The following CX3CL1 variants were observed in gnomAD, a reference collection of about 807,000 sequenced individuals.
CX3CL1 encodes fractalkine.
Under a neutral mutation model 14.1 loss-of-function variants are expected in CX3CL1, and 1 was observed. The ratio of observed to expected loss-of-function variants is 0.07; its 90% CI spans 0.03 to 0.34. The LOEUF (loss-of-function observed/expected upper bound fraction) is 0.34, where lower values mean the gene tolerates loss of function less well. Ranked by LOEUF, CX3CL1 falls within the 10% of genes least tolerant of loss-of-function variation. CX3CL1 has a pLI of 0.99. For missense variants in CX3CL1, 505 were observed against 536.4 expected (o/e 0.94, Z 0.58); for synonymous variants, 255 against 229.6 (o/e 1.11, Z -1.00).
rs1902361328 is a variant in CX3CL1, at chr16:57,383,234, G to A, written c.*202G>A. The A allele has an allele frequency of 2.3e-6, 1 of 433,544 alleles. No individual in the cohort carries two copies. The highest frequency in any genetic ancestry group is 3.9e-6 in the Non-Finnish European group (1 of 258,376). The allele number at this position is 433,544 out of a possible 1,614,324, so 26.9% of individuals were successfully genotyped here. On this transcript the variant is annotated 3_prime_UTR_variant, in exon 3 of 3. Transcript: ENST00000006053. ...CCATTCTCCACCTGCCAGGGACAGA[G>A]GGGGTGGCCTCCCAACTCACCCCAG... is the stretch of plus-strand genomic sequence containing the variant.
At chr16:57,375,357 A>G (rs891351978) in intron 1 of CX3CL1, among the ~76,000 whole-genome samples, 7 of 152,002 alleles carry the variant, frequency 4.6e-5, no homozygotes, top group Admixed American at 2.0e-4. Flanking sequence ...ATTTCTAGAG[A>G]AATTTTTTAC....
In CX3CL1 at chr16:57,383,101, C is replaced by A; in HGVS notation, c.*69C>A. 7.6e-7 allele frequency: 1 copy of A among 1,316,906 alleles called. No individual in the cohort carries two copies. Among genetic ancestry groups the A allele is most frequent in the Non-Finnish European group, 9.8e-7 (1 of 1,016,138 alleles). 81.6% of individuals were successfully genotyped at this position (1,316,906 alleles called of 1,614,324 possible). ...TGGGATCCCTCATCCTCATACCCAC[C>A]CCCACCCAAGGGCCTGGCCTGAGCT... On this transcript the variant is annotated 3_prime_UTR_variant, in exon 3 of 3. Transcript: ENST00000006053.
intron 2 of CX3CL1, 59 bp from the exon 3 acceptor site, chr16:57,381,971 C>T (rs769339501): frequency 2.0e-5 from 30 of 1,514,182 alleles, no homozygotes; most frequent in African/African-American, 6.9e-5. Context: ...CCCCACACCA[C>T]GCTGGCCCGG....
intron 1 of CX3CL1, chr16:57,379,117 G>C (rs750921221): frequency 1.3e-5 from 2 of 153,008 alleles, no homozygotes; most frequent in African/African-American, 2.4e-5. Flanking sequence ...ACCTGAGGTC[G>C]GGAGTCTGAG....
intron 2 of CX3CL1, among the ~76,000 whole-genome samples, chr16:57,381,263 GGA>G (rs566768521): frequency 2.1e-4 from 32 of 152,296 alleles, no homozygotes; most frequent in African/African-American, 6.7e-4. Context: ...GCCGTGGCAT[GGA>G]GCCAGGGCCT....
intron 1 of CX3CL1, among the ~76,000 whole-genome samples, chr16:57,373,807 G>T (rs1261954357): frequency 6.6e-6 from 1 of 152,160 alleles, no homozygotes; most frequent in East Asian, 1.9e-4. Flanking sequence ...CGTGAGCAGG[G>T]TCTTGCCTCC....
chr16:57,374,769 C>T (rs2146508610), intron 1 of CX3CL1, among the ~76,000 whole-genome samples: 1 of 152,236 alleles, frequency 6.6e-6, no homozygotes, highest in African/African-American at 2.4e-5. Context: ...AATTCAACTG[C>T]AGAGGACACA....
chr16:57,374,806 A>G (rs1180630687), intron 1 of CX3CL1, among the ~76,000 whole-genome samples: 2 of 152,140 alleles, frequency 1.3e-5, no homozygotes, highest in African/African-American at 2.4e-5. Flanking sequence ...TCAGTAAACA[A>G]TGTGGTCTGT....
Position 57,383,090 on chromosome 16 carries a change from C to T in CX3CL1, c.*58C>T, listed in dbSNP as rs984552728. The T allele has an allele frequency of 2.3e-5, 31 of 1,345,668 alleles. No individual in the cohort carries two copies. Among genetic ancestry groups the T allele is most frequent in the Non-Finnish European group, 2.7e-5 (28 of 1,036,414 alleles). The allele number at this position is 1,345,668 out of a possible 1,614,324, so 83.4% of individuals were successfully genotyped here. On this transcript the variant is annotated 3_prime_UTR_variant, in exon 3 of 3. Transcript: ENST00000006053. Reference sequence around the variant, plus strand: ...AGACAGCTGCCTGGGATCCCTCATCCTCATACCCACCCCCACCCAAGGGCC... The same window carrying T: ...AGACAGCTGCCTGGGATCCCTCATCTTCATACCCACCCCCACCCAAGGGCC...
intron 1 of CX3CL1, among the ~76,000 whole-genome samples, chr16:57,374,767 T>G (rs1369735283): frequency 6.6e-6 from 1 of 152,174 alleles, no homozygotes; most frequent in Non-Finnish European, 1.5e-5. Context: ...GTAATTCAAC[T>G]GCAGAGGACA....
In CX3CL1 at chr16:57,383,096, C is replaced by T. The variant is rs1396882939; in HGVS notation, c.*64C>T. On this transcript the variant is annotated 3_prime_UTR_variant, in exon 3 of 3. Coordinates refer to ENST00000006053, the MANE Select transcript of CX3CL1 (RefSeq NM_002996.6). ...CTGCCTGGGATCCCTCATCCTCATA[C>T]CCACCCCCACCCAAGGGCCTGGCCT... 44 of 1,320,824 alleles carry T rather than the reference C, an allele frequency of 3.3e-5. No homozygotes were observed. In the East Asian group the frequency reaches 7.9e-4, roughly 24 times the overall value. The allele number at this position is 1,320,824 out of a possible 1,614,324, so 81.8% of individuals were successfully genotyped here. A position where few individuals can be genotyped will look rare whatever the true frequency, so the allele number is the denominator to read the frequency against.
At chr16:57,374,267 TAGCTGCTGCCCTGACTAGTGTGGGGC>T (rs1597995319) in intron 1 of CX3CL1, among the ~76,000 whole-genome samples, 1 of 151,686 alleles carries the variant, frequency 6.6e-6, no homozygotes, top group Admixed American at 6.6e-5. Context: ...GGGGGGTTCG[TAGCTGCTGCCCTGACTAGTGTGGGGC>T]AGCTGCGTCA....
intron 1 of CX3CL1, among the ~76,000 whole-genome samples, 165 bp downstream of exon 1, chr16:57,372,803 C>T (rs1050655060): frequency 1.1e-4 from 16 of 152,192 alleles, no homozygotes; most frequent in Non-Finnish European, 2.1e-4. Flanking sequence ...CACCTCGCTT[C>T]CCCCAGATGC....
rs56202816 is a variant in CX3CL1, at chr16:57,376,440, G to GTGGATGGATGGATGGA, written c.71-3158_71-3143dup. ...CAGCCAGTGTTGGCTGAATCAGGAA[G>GTGGATGGATGGATGGA]TGGATGGATGGATGGATGGATGGAT... On this transcript the variant is annotated intron_variant, in intron 1 of 2. Coordinates refer to ENST00000006053, the MANE Select transcript of CX3CL1 (RefSeq NM_002996.6). 6.0e-4 allele frequency among the ~76,000 whole-genome samples: 87 copies of GTGGATGGATGGATGGA among 145,216 alleles called. 1 individual carries two copies. Among genetic ancestry groups the GTGGATGGATGGATGGA allele is most frequent in the African/African-American group, 1.3e-3 (50 of 39,268 alleles).
In CX3CL1 at chr16:57,373,787, G is replaced by T. The variant is rs1902209608; in HGVS notation, c.70+1149G>T. On this transcript the variant is annotated intron_variant, in intron 1 of 2. Coordinates refer to ENST00000006053, the MANE Select transcript of CX3CL1 (RefSeq NM_002996.6). Reference sequence around the variant, plus strand: ...ATGGCGGCTGCTTTGCCACAGTCCTGTTATGTGACCGTGAGCAGGGTCTTG... The same window carrying T: ...ATGGCGGCTGCTTTGCCACAGTCCTTTTATGTGACCGTGAGCAGGGTCTTG... Among the ~76,000 whole-genome samples, 4 of 152,178 alleles carry T rather than the reference G, an allele frequency of 2.6e-5. No individual in the cohort carries two copies. In the South Asian group the frequency reaches 8.3e-4, roughly 32 times the overall value.
chr16:57,380,142 T>A (rs769270657), intron 2 of CX3CL1, among the ~76,000 whole-genome samples: 5 of 152,206 alleles, frequency 3.3e-5, no homozygotes, highest in Non-Finnish European at 5.9e-5. Flanking sequence ...GGTTCCAGAC[T>A]CTAACAGACC....
At chr16:57,379,516 C>A in intron 1 of CX3CL1, 118 bp from the exon 2 acceptor site, 1 of 1,296,394 alleles carries the variant, frequency 7.7e-7, no homozygotes, top group Non-Finnish European at 1.1e-6. Flanking sequence ...CCTTGAAGGC[C>A]AGGGTGTACA....
chr16:57,375,872 T>C (rs1902238696), intron 1 of CX3CL1, among the ~76,000 whole-genome samples: 1 of 152,216 alleles, frequency 6.6e-6, no homozygotes, highest in Non-Finnish European at 1.5e-5. Context: ...TGGTATGTTC[T>C]GGAACACTGT....
In CX3CL1 at chr16:57,382,260, C is replaced by A; in HGVS notation, c.422C>A (p.Thr141Asn). ...ATGESSSLEP[T>N]PSSQEAQRAL... ...GGCGAAAGCAGTAGCCTGGAGCCGA[C>A]TCCTTCTTCCCAGGAAGCACAGAGG... Residue 141 changes from threonine to asparagine, a missense_variant, in exon 3 of 3, where the codon ACT (threonine) becomes AAT (asparagine). Coordinates refer to ENST00000006053, the MANE Select transcript of CX3CL1 (RefSeq NM_002996.6). This position sits in a 1 kb window ranked among gnomAD's most constrained non-coding sequence, Gnocchi z 6.9. 1.2e-6 allele frequency: 2 copies of A among 1,609,494 alleles called. No homozygotes were observed. The highest frequency in any genetic ancestry group is 1.1e-5 in the South Asian group (1 of 90,922).
Sources: gnomAD v4.1 joint callset for allele counts (sites outside exome capture counted in the v4.1 genomes callset) on GRCh38, gnomAD v4.1.1 for gene constraint, Gnocchi (gnomAD v3.1) non-coding constraint, MANE v1.5 for transcripts, NCBI Gene and HGNC (gene_info 2026-07-23, HGNC 2026-07-21) for gene names.